Variants in PRR33 observed in about 807,000 individuals in gnomAD.
PRR33 encodes proline rich 33, also known as proline-rich protein 33.
A neutral mutation model predicts 0.5 loss-of-function variants in PRR33; 1 was observed. That is an observed-to-expected ratio of 2.18 (90% CI 0.77 to 10.34). The LOEUF (loss-of-function observed/expected upper bound fraction) is 10.34. Ranked by LOEUF, PRR33 falls within the 30% of genes most tolerant of loss-of-function variation. The pLI, the probability that PRR33 is intolerant of heterozygous loss-of-function variation, is 0.13. For synonymous variants in PRR33, 226 were observed against 110.0 expected (o/e 2.06, Z -6.60); for missense variants, 552 against 251.8 (o/e 2.19, Z -8.07).
chr11:1,911,200 T>C, the PRR33 span, among the ~76,000 whole-genome samples: 1 of 152,150 alleles, frequency 6.6e-6, no homozygotes, highest in African/African-American at 2.4e-5. Flanking sequence ...ATCCCAGCAC[T>C]TTGTGGGGCT....
At chr11:1,910,775 C>T in the PRR33 span, among the ~76,000 whole-genome samples, 4 of 152,226 alleles carry the variant, frequency 2.6e-5, no homozygotes, top group African/African-American at 4.8e-5. Context: ...ACTTTTCCTT[C>T]TCCAGACTGA....
At chr11:1,898,092 A>G in the PRR33 span, among the ~76,000 whole-genome samples, 1 of 152,210 alleles carries the variant, frequency 6.6e-6, no homozygotes, top group Non-Finnish European at 1.5e-5. Context: ...AGCATCGGCA[A>G]CGGCACAGAC....
chr11:1,892,752 G>A (rs1849053038), upstream of PRR33, among the ~76,000 whole-genome samples: 2 of 151,862 alleles, frequency 1.3e-5, no homozygotes, highest in South Asian at 4.2e-4. Context: ...GGGTAGGTGG[G>A]CGAGTGGATG....
At chr11:1,916,043 G>A in the PRR33 span, among the ~76,000 whole-genome samples, 2 of 152,032 alleles carry the variant, frequency 1.3e-5, no homozygotes, top group Admixed American at 1.3e-4. Flanking sequence ...GATGATGGAA[G>A]AGAAGGAGGG....
the PRR33 span, among the ~76,000 whole-genome samples, chr11:1,898,795 G>A: frequency 2.0e-5 from 3 of 152,120 alleles, no homozygotes; most frequent in Non-Finnish European, 4.4e-5. Flanking sequence ...GAGGTCAGGA[G>A]TTCGAGACCA....
At chr11:1,906,877 C>G in the PRR33 span, among the ~76,000 whole-genome samples, 1 of 152,240 alleles carries the variant, frequency 6.6e-6, no homozygotes, top group Admixed American at 6.5e-5. Context: ...CAGCTTCTCT[C>G]TCTGGGCAGC....
upstream of PRR33, among the ~76,000 whole-genome samples, chr11:1,894,353 C>A (rs1197733118): frequency 6.6e-6 from 1 of 152,166 alleles, no homozygotes; most frequent in African/African-American, 2.4e-5. Context: ...CCTGCTTCAG[C>A]CTCCCAAGTA....
At chr11:1,907,159 T>C in the PRR33 span, among the ~76,000 whole-genome samples, 5 of 152,186 alleles carry the variant, frequency 3.3e-5, no homozygotes, top group Non-Finnish European at 7.3e-5. Flanking sequence ...TCCTGTGTAT[T>C]TTGTCTGTTC....
At chr11:1,894,681 A>C (rs111380189), upstream of PRR33, among the ~76,000 whole-genome samples, 502 of 152,238 alleles carry the variant, frequency 3.3e-3, 1 homozygote, top group African/African-American at 0.011. Flanking sequence ...TTGCCACAGC[A>C]TGGGTACACC....
the PRR33 span, among the ~76,000 whole-genome samples, chr11:1,901,912 T>C: frequency 2.8e-3 from 427 of 152,330 alleles, 2 homozygotes; most frequent in African/African-American, 9.0e-3. Context: ...ATTTTAGTTA[T>C]TAGGCTGGTT....
At chr11:1,890,208 G>T (rs549596227) in exon 1 of PRR33, 1 of 716,962 alleles carries the variant, frequency 1.4e-6, no homozygotes, top group Non-Finnish European at 2.6e-6. Flanking sequence ...CTTCTGCAGG[G>T]GTGATGCCAC....
exon 1 of PRR33, chr11:1,890,710 G>C (rs1034642315): frequency 1.1e-4 from 67 of 608,762 alleles, no homozygotes; most frequent in Non-Finnish European, 1.6e-4. Context: ...TGAGTATTCT[G>C]CTTCCTGAGC....
At chr11:1,914,548 G>A in the PRR33 span, among the ~76,000 whole-genome samples, 4 of 148,784 alleles carry the variant, frequency 2.7e-5, no homozygotes, top group Non-Finnish European at 5.9e-5. Context: ...GTGCCTATGT[G>A]TGTTGTAGGG....
chr11:1,893,585 T>G (rs1167662401), upstream of PRR33, among the ~76,000 whole-genome samples: 3 of 112,582 alleles, frequency 2.7e-5, no homozygotes, highest in East Asian at 2.6e-4. Flanking sequence ...AGAGGGGGGA[T>G]GGAGGGAGGG....
exon 1 of PRR33, chr11:1,889,070 G>A: frequency 3.5e-6 from 2 of 576,550 alleles, no homozygotes; most frequent in Non-Finnish European, 6.2e-6. Context: ...AGCAACTATG[G>A]GCCCCCAGCT....
At chr11:1,889,486 C>T (rs1259971691) in exon 1 of PRR33, 1 of 620,860 alleles carries the variant, frequency 1.6e-6, no homozygotes, top group South Asian at 1.9e-5. Flanking sequence ...GTGGGCACCT[C>T]TGGCTCCAGG....
At chr11:1,912,761 C>T in the PRR33 span, among the ~76,000 whole-genome samples, 14 of 152,156 alleles carry the variant, frequency 9.2e-5, no homozygotes, top group African/African-American at 3.1e-4. Flanking sequence ...CCTGCCACCA[C>T]GCCTGGCTAA....
the PRR33 span, among the ~76,000 whole-genome samples, chr11:1,904,772 G>T: frequency 6.6e-6 from 1 of 151,696 alleles, no homozygotes; most frequent in Admixed American, 6.6e-5. Flanking sequence ...GCCTCCCAAA[G>T]TGCTGGGATT....
chr11:1,908,326 AC>A, the PRR33 span, among the ~76,000 whole-genome samples: 1 of 39,992 alleles, frequency 2.5e-5, no homozygotes, highest in East Asian at 8.7e-4. Flanking sequence ...GCCCACCCCC[AC>A]CCCCAAATAA....
Sources: allele counts gnomAD v4.1 joint callset (sites outside exome capture counted in the v4.1 genomes callset), GRCh38; gene constraint gnomAD v4.1.1; transcripts MANE v1.5; gene names NCBI Gene and HGNC (gene_info 2026-07-23, HGNC 2026-07-21).